Variants in SHANK2 observed in about 807,000 individuals in gnomAD.
The protein encoded by SHANK2 is SH3 and multiple ankyrin repeat domains protein 2.
In SHANK2, 43 loss-of-function variants were observed where a neutral mutation model predicts 133.7. That is an observed-to-expected ratio of 0.32 (90% CI 0.25 to 0.41). SHANK2 has a LOEUF of 0.41. SHANK2 is among the 10% of genes least tolerant of loss of function. The pLI, the probability that SHANK2 is intolerant of heterozygous loss-of-function variation, is 1.00. For synonymous variants in SHANK2, 1,017 were observed against 952.8 expected, an observed-to-expected ratio of 1.07 and a Z score of -1.24; for missense variants, 1,994 against 2,235.8, an observed-to-expected ratio of 0.89 and a Z score of 2.18.
intron 11 of SHANK2, among the ~76,000 whole-genome samples, chr11:70,860,541 C>A (rs181507470): frequency 9.8e-5 from 15 of 152,314 alleles, no homozygotes; most frequent in Admixed American, 9.8e-4. Context: ...ACTGCGAGGT[C>A]CCCAGGGACT....
In SHANK2 at chr11:70,843,577, G is replaced by A. The variant is rs141340298; in HGVS notation, c.1175-22895C>T. ...AAGAAGAGGAGATGAGGACAAAGAC[G>A]CACAGAGAGACGACCCTGTGAGGTC... On this transcript the variant is annotated intron_variant, in intron 11 of 25. Transcript: ENST00000601538. Among the ~76,000 whole-genome samples, 5 of 152,034 alleles carry A rather than the reference G, an allele frequency of 3.3e-5. No homozygotes were observed. In the East Asian group the frequency reaches 7.8e-4, roughly 24 times the overall value.
chr11:71,074,235 C>T (rs1194832962), intron 9 of SHANK2, among the ~76,000 whole-genome samples: 9 of 152,184 alleles, frequency 5.9e-5, no homozygotes, highest in South Asian at 2.1e-4. Flanking sequence ...GCCACTGCAG[C>T]GTGTGAGAAA....
At position 70,804,727 on chromosome 11, in the gene SHANK2, C is replaced by A. The variant is rs184619711; in HGVS notation, c.1663+2275G>T. On this transcript the variant is annotated intron_variant, in intron 13 of 25. Transcript: ENST00000601538. The surrounding 1 kb of genome is among the most constrained non-coding windows in gnomAD (Gnocchi z 4.1). ...GGAGTTGGACAGGGGAAGGCCCCCC[C>A]AGAGCTTCTGGGAATTAAGGTGTGA... Among the ~76,000 whole-genome samples, 9 of 152,310 alleles carry A rather than the reference C, an allele frequency of 5.9e-5. No homozygotes were observed. The highest frequency in any genetic ancestry group is 2.1e-4 in the South Asian group (1 of 4,822).
chr11:70,508,363 T>A (rs2059160111), intron 17 of SHANK2, among the ~76,000 whole-genome samples: 1 of 152,194 alleles, frequency 6.6e-6, no homozygotes, highest in Admixed American at 6.5e-5. Flanking sequence ...AAGGCCACCA[T>A]CAGGGCTAAG....
At chr11:70,938,021 T>C (rs143457672) in intron 10 of SHANK2, among the ~76,000 whole-genome samples, 1 of 152,318 alleles carries the variant, frequency 6.6e-6, no homozygotes, top group Admixed American at 6.5e-5. Flanking sequence ...TCTCACTTTA[T>C]TTTTTTCTGG....
intron 17 of SHANK2, among the ~76,000 whole-genome samples, chr11:70,545,339 G>A (rs1379531222): frequency 3.3e-5 from 5 of 152,162 alleles, no homozygotes; most frequent in Admixed American, 6.5e-5. Flanking sequence ...AGACATTCAC[G>A]GCCCCTGACT....
intron 17 of SHANK2, among the ~76,000 whole-genome samples, chr11:70,517,300 A>G (rs1176596402): frequency 6.6e-6 from 1 of 152,240 alleles, no homozygotes; most frequent in Non-Finnish European, 1.5e-5. Context: ...TTTGGAAGAC[A>G]GTTTGGCAGT....
At chr11:70,553,344 C>T (rs569182210) in intron 17 of SHANK2, among the ~76,000 whole-genome samples, 2 of 152,274 alleles carry the variant, frequency 1.3e-5, no homozygotes, top group East Asian at 1.9e-4. Context: ...TCGCCCACCT[C>T]GGCCTCCTAA....
chr11:70,599,885 AAGAAAAAGAAAGAAAGAAAGAGAAAG>A (rs1565166062), intron 17 of SHANK2, among the ~76,000 whole-genome samples: 3 of 96,604 alleles, frequency 3.1e-5, no homozygotes, highest in East Asian at 1.3e-3. Flanking sequence ...GAAAGAAAGA[AAGAAAAAGAAAGAAAGAAAGAGAAAG>A]AAAGAAAGAA....
At chr11:71,073,147 C>CTTTTTTTTGTTTTT (rs1156355131) in intron 9 of SHANK2, among the ~76,000 whole-genome samples, 1 of 62,714 alleles carries the variant, frequency 1.6e-5, no homozygotes, top group Non-Finnish European at 3.9e-5. Flanking sequence ...TTTTTCTTTT[C>CTTTTTTTTGTTTTT]TTTTTTTTCT....
intron 14 of SHANK2, among the ~76,000 whole-genome samples, chr11:70,723,299 G>GTCTCTCTCTCTCTC (rs57815500): frequency 0.052 from 7,544 of 145,666 alleles, 254 homozygotes; most frequent in East Asian, 0.078. Flanking sequence ...TGGAGGGTCT[G>GTCTCTCTCTCTCTC]TCTCTCTCTC....
At chr11:70,752,853 C>T (rs1245544628) in intron 14 of SHANK2, among the ~76,000 whole-genome samples, 1 of 152,200 alleles carries the variant, frequency 6.6e-6, no homozygotes, top group Non-Finnish European at 1.5e-5. Context: ...GTGGCTCACA[C>T]TTGTAATCTC....
Position 70,469,956 on chromosome 11 carries a change from CATGTAAA to C in SHANK2, c.*2906_*2912del, listed in dbSNP as rs1337791319. The C allele has an allele frequency of 6.6e-6, 1 of 152,534 alleles. No homozygotes were observed. Among genetic ancestry groups the C allele is most frequent in the Non-Finnish European group, 1.5e-5 (1 of 68,038 alleles). 9.4% of individuals were successfully genotyped at this position (152,534 alleles called of 1,614,324 possible). A position where few individuals can be genotyped will look rare whatever the true frequency, so the allele number is the denominator to read the frequency against. On this transcript the variant is annotated 3_prime_UTR_variant, in exon 26 of 26. Transcript: ENST00000601538. Reference sequence around the variant, plus strand: ...TATACACAATATTACAGAAACTAGGCATGTAAATGCAGTTTATTTAAATTACAGTATG... The same window carrying C: ...TATACACAATATTACAGAAACTAGGCTGCAGTTTATTTAAATTACAGTATG...
chr11:71,094,665 G>C lies in SHANK2; in HGVS notation c.616C>G (p.Gln206Glu). 6.4e-7 allele frequency: 1 copy of C among 1,551,858 alleles called. No individual in the cohort carries two copies. Residue 206 changes from glutamine (Q) to glutamate (E), a missense_variant, in exon 7 of 26, where the codon CAG (glutamine) becomes GAG (glutamate). By Grantham distance (29) the Gln-to-Glu change is conservative. Transcript: ENST00000601538. ...TGETPLTLAA[Q>E]LDDSVEVIKA... The stretch of plus-strand genomic sequence containing the variant: ...ATGACCTCCACAGAGTCGTCCAGCT[G>C]AGCGGCTAAGGTCAGGGGGGTCTCT...
chr11:70,627,515 CCTGA>C (rs1555000350), intron 17 of SHANK2, among the ~76,000 whole-genome samples: 1 of 152,222 alleles, frequency 6.6e-6, no homozygotes, highest in East Asian at 1.9e-4. Context: ...ACCCCGCTGT[CCTGA>C]CTGTTACAGG....
chr11:70,787,530 C>T (rs1385540626), intron 14 of SHANK2, among the ~76,000 whole-genome samples: 4 of 99,934 alleles, frequency 4.0e-5, no homozygotes, highest in Admixed American at 1.1e-4. Flanking sequence ...ACCACCACCA[C>T]CAGCATCAAC....
chr11:71,116,339 G>A (rs1305547062), intron 4 of SHANK2, among the ~76,000 whole-genome samples: 7 of 152,232 alleles, frequency 4.6e-5, no homozygotes, highest in Non-Finnish European at 1.5e-5. Context: ...GAAATGATCC[G>A]TTTCTGGCTT....
chr11:70,779,802 G>C (rs1294556317), intron 14 of SHANK2, among the ~76,000 whole-genome samples: 4 of 152,098 alleles, frequency 2.6e-5, no homozygotes, highest in African/African-American at 7.2e-5. Flanking sequence ...CCCTCCTTCT[G>C]CTGGTTCCAG....
rs1330821593 is a variant in SHANK2 at position 70,804,850 on chromosome 11, T to C, written c.1663+2152A>G. 6.6e-6 allele frequency among the ~76,000 whole-genome samples: 1 copy of C among 152,158 alleles called. No homozygotes were observed. Among genetic ancestry groups the C allele is most frequent in the Non-Finnish European group, 1.5e-5 (1 of 68,024 alleles). ...CCTGTGGGAGACTCGGATCCACTGA[T>C]GGGGCTCATCACCGGCTCCCCCTCT... is the stretch of plus-strand genomic sequence containing the variant. On this transcript the variant is annotated intron_variant, in intron 13 of 25. Coordinates refer to ENST00000601538, the MANE Select transcript of SHANK2 (RefSeq NM_012309.5). The surrounding 1 kb of genome is among the most constrained non-coding windows in gnomAD (Gnocchi z 4.1).
Sources: gnomAD v4.1 joint callset for allele counts (sites outside exome capture counted in the v4.1 genomes callset) on GRCh38, gnomAD v4.1.1 for gene constraint, Gnocchi (gnomAD v3.1) non-coding constraint, MANE v1.5 for transcripts, NCBI Gene and HGNC (gene_info 2026-07-23, HGNC 2026-07-21) for gene names.